The following COG6 variants were observed in gnomAD, a reference collection of about 807,000 sequenced individuals.
The protein encoded by COG6 is conserved oligomeric Golgi complex subunit 6.
In COG6, 74 loss-of-function variants were observed where a neutral mutation model predicts 88.8. That is an observed-to-expected ratio of 0.83 (90% CI 0.69 to 1.01). The LOEUF (loss-of-function observed/expected upper bound fraction) is 1.01, where lower values mean the gene tolerates loss of function less well. COG6 is among the 50% of genes least tolerant of loss of function. COG6 has a pLI of 0.00. For synonymous variants in COG6, 286 were observed against 278.7 expected (o/e 1.03, Z -0.26); for missense variants, 800 against 797.9 (o/e 1.00, Z -0.03).
chr13:39,686,448 CT>C (rs1186638091), intron 8 of COG6, among the ~76,000 whole-genome samples: 1 of 152,144 alleles, frequency 6.6e-6, no homozygotes, highest in Non-Finnish European at 1.5e-5. Flanking sequence ...CAGTTAAAAG[CT>C]TTCCTTCCCT....
chr13:39,725,853 A>G (rs976381574), intron 17 of COG6, among the ~76,000 whole-genome samples: 1 of 151,942 alleles, frequency 6.6e-6, no homozygotes, highest in African/African-American at 2.4e-5. Flanking sequence ...ATTCCACTTC[A>G]AGATATTTAC....
Position 39,770,691 on chromosome 13 carries a change from A to G in COG6, c.1827-17644A>G, listed in dbSNP as rs557131285. The stretch of plus-strand genomic sequence containing the variant: ...TGTGTCTCCAGAGGTGGCTATAGCC[A>G]TTAGTCAGAATACTGAACAAAGTTC... On this transcript the variant is annotated intron_variant, in intron 18 of 18. Coordinates refer to the COG6 transcript ENST00000416691. Among the ~76,000 whole-genome samples, 4 of 152,370 alleles carry G rather than the reference A, an allele frequency of 2.6e-5. No homozygotes were observed. The South Asian group carries it at 6.2e-4, about 24-fold the overall frequency.
chr13:39,761,084 A>G (rs1377116167), intron 18 of COG6, among the ~76,000 whole-genome samples: 3 of 151,872 alleles, frequency 2.0e-5, no homozygotes, highest in Non-Finnish European at 4.4e-5. Flanking sequence ...GATTACTTCA[A>G]CTCTATGTAT....
chr13:39,717,347 A>G (rs561645812), intron 13 of COG6, among the ~76,000 whole-genome samples: 3 of 151,492 alleles, frequency 2.0e-5, no homozygotes, highest in South Asian at 4.2e-4. Context: ...ATGTTGATTA[A>G]TGTTTTTTAA....
In COG6 at chr13:39,724,534, A is replaced by G; in HGVS notation, c.1719A>G (p.Leu573=). Reference sequence around the variant, plus strand: ...GCTCTTTAGCTAATATGCCCAACCTAGATTCTGTGACACTGAAGGCTGCAA... The same window carrying G: ...GCTCTTTAGCTAATATGCCCAACCTGGATTCTGTGACACTGAAGGCTGCAA... ...EQGSLANMPN[L]DSVTLKAAMV... The change falls in exon 17 of 19, where the codon CTA becomes CTG. Residue 573 remains leucine, a synonymous_variant. Transcript: ENST00000455146. The G allele has an allele frequency of 1.3e-6, 2 of 1,596,542 alleles. No homozygotes were observed. The highest frequency in any genetic ancestry group is 2.2e-5 in the South Asian group (2 of 90,394).
At position 39,687,528 on chromosome 13, in the gene COG6, G is replaced by T. The variant is rs1252928669; in HGVS notation, c.814G>T (p.Ala272Ser). The change falls in exon 9 of 19, where the codon GCC (alanine) becomes TCC (serine). Residue 272 changes from alanine (A) to serine (S), a missense_variant. Transcript: ENST00000455146. The stretch of plus-strand genomic sequence containing the variant: ...ATATACCTTAGATGAATTTGGAACA[G>T]CCAGAAGAAGTACAGTTGTTCGTGG... ...YKYTLDEFGTARRSTVVRGFI... is the reference protein window; with the variant it reads ...YKYTLDEFGTSRRSTVVRGFI... 1 of 1,613,298 alleles carries T rather than the reference G, an allele frequency of 6.2e-7. No individual in the cohort carries two copies. The highest frequency in any genetic ancestry group is 1.7e-5 in the Admixed American group (1 of 59,968).
chr13:39,740,930 A>T (rs1263453193), intron 18 of COG6, among the ~76,000 whole-genome samples: 1 of 152,124 alleles, frequency 6.6e-6, no homozygotes, highest in East Asian at 1.9e-4. Flanking sequence ...AATAAAACTC[A>T]ATTTTAGTGA....
chr13:39,684,842 G>A (rs190394808), intron 8 of COG6, among the ~76,000 whole-genome samples: 33 of 152,240 alleles, frequency 2.2e-4, no homozygotes, highest in Non-Finnish European at 4.0e-4. Context: ...ATTGAAATCC[G>A]TGGGGAAAGT....
intron 15 of COG6, among the ~76,000 whole-genome samples, chr13:39,720,767 C>G (rs1480971303): frequency 6.6e-6 from 1 of 151,816 alleles, no homozygotes; most frequent in Non-Finnish European, 1.5e-5. Flanking sequence ...TGTATTGCTA[C>G]TTATAGATTT....
downstream of COG6, among the ~76,000 whole-genome samples, chr13:39,757,249 C>G (rs1880866404): frequency 6.6e-6 from 1 of 152,026 alleles, no homozygotes; most frequent in Non-Finnish European, 1.5e-5. Flanking sequence ...AGGAAGAAAT[C>G]ACGAAGGAAA....
At chr13:39,691,630 A>G (rs1427369579) in intron 11 of COG6, among the ~76,000 whole-genome samples, 3 of 151,836 alleles carry the variant, frequency 2.0e-5, no homozygotes, top group African/African-American at 7.3e-5. Flanking sequence ...CAACTCTCAT[A>G]CCTTCCCTTC....
chr13:39,711,783 T>C (rs1878251835), intron 13 of COG6, among the ~76,000 whole-genome samples: 1 of 152,210 alleles, frequency 6.6e-6, no homozygotes, highest in Non-Finnish European at 1.5e-5. Flanking sequence ...ATAGGTAACA[T>C]TCAGCATTTT....
At chr13:39,719,107 A>T (rs1878699307) in intron 13 of COG6, 129 bp from the exon 14 acceptor site, 1 of 857,188 alleles carries the variant, frequency 1.2e-6, no homozygotes, top group Non-Finnish European at 1.9e-6. Context: ...CTATTGATAA[A>T]TTATAGGTTT....
intron 18 of COG6, among the ~76,000 whole-genome samples, chr13:39,782,564 T>C (rs1231966971): frequency 6.6e-6 from 1 of 152,168 alleles, no homozygotes; most frequent in Non-Finnish European, 1.5e-5. Context: ...TGGGTTTTGA[T>C]GAGTAGAAAA....
chr13:39,743,353 C>A (rs1232348937), intron 18 of COG6, among the ~76,000 whole-genome samples: 1 of 151,888 alleles, frequency 6.6e-6, no homozygotes, highest in Non-Finnish European at 1.5e-5. Context: ...TGATAGACGG[C>A]TAGCAAGACT....
At chr13:39,754,732 C>G (rs1479377863), downstream of COG6, among the ~76,000 whole-genome samples, 1 of 152,058 alleles carries the variant, frequency 6.6e-6, no homozygotes. Context: ...TTGTGATAAG[C>G]ATTTAAAAAT....
At chr13:39,658,674 T>G (rs1324062679) in intron 1 of COG6, among the ~76,000 whole-genome samples, 1 of 152,218 alleles carries the variant, frequency 6.6e-6, no homozygotes, top group Non-Finnish European at 1.5e-5. Flanking sequence ...TGGCCTTCCT[T>G]CTACCACTTT....
intron 1 of COG6, among the ~76,000 whole-genome samples, chr13:39,658,096 T>C (rs1874643098): frequency 6.7e-6 from 1 of 148,622 alleles, no homozygotes; most frequent in East Asian, 2.0e-4. Flanking sequence ...CTCCTGCAAA[T>C]CCACAAACAT....
At chr13:39,708,317 A>T (rs1878054186) in intron 13 of COG6, among the ~76,000 whole-genome samples, 1 of 152,222 alleles carries the variant, frequency 6.6e-6, no homozygotes, top group Non-Finnish European at 1.5e-5. Context: ...GATATTTTCT[A>T]TCACTTTTTG....
Sources: gnomAD v4.1 joint callset for allele counts (sites outside exome capture counted in the v4.1 genomes callset) on GRCh38, gnomAD v4.1.1 for gene constraint, MANE v1.5 for transcripts, NCBI Gene and HGNC (gene_info 2026-07-23, HGNC 2026-07-21) for gene names.